The following SORCS2 variants were observed in gnomAD, a reference collection of about 807,000 sequenced individuals.
SORCS2 encodes VPS10 domain-containing receptor SorCS2.
SORCS2 carries 100 observed loss-of-function variants against 141.6 expected under a neutral mutation model. The observed-to-expected ratio is 0.71, with a 90% CI of 0.60 to 0.83. SORCS2 has a LOEUF of 0.83. SORCS2 is among the 40% of genes least tolerant of loss of function. The pLI is 0.00. For synonymous variants in SORCS2, 789 were observed against 676.9 expected (o/e 1.17, Z -2.57); for missense variants, 1,646 against 1,560.2 (o/e 1.05, Z -0.93).
At chr4:7,259,506 G>A (rs898980971) in intron 1 of SORCS2, among the ~76,000 whole-genome samples, 1 of 152,204 alleles carries the variant, frequency 6.6e-6, no homozygotes. Context: ...AGAGCACTGT[G>A]CTTTCCCTGG....
chr4:7,587,008 C>T (rs1316799405), intron 3 of SORCS2, among the ~76,000 whole-genome samples: 4 of 151,956 alleles, frequency 2.6e-5, no homozygotes, highest in Admixed American at 1.3e-4. Context: ...GAGAAGCAGA[C>T]GTCAGCTAAA....
chr4:7,315,488 G>A (rs969019438), intron 1 of SORCS2, among the ~76,000 whole-genome samples: 1 of 152,174 alleles, frequency 6.6e-6, no homozygotes, highest in African/African-American at 2.4e-5. Flanking sequence ...GGCTGGTGCG[G>A]TGGAGGAGAG....
At chr4:7,525,832 G>A (rs1314293975) in intron 2 of SORCS2, among the ~76,000 whole-genome samples, 1 of 96,260 alleles carries the variant, frequency 1.0e-5, no homozygotes, top group Non-Finnish European at 2.0e-5. Context: ...TGTCCCCTCA[G>A]TCACCTGGGC....
At chr4:7,407,406 C>T (rs1308303937) in intron 2 of SORCS2, among the ~76,000 whole-genome samples, 3 of 152,048 alleles carry the variant, frequency 2.0e-5, no homozygotes, top group African/African-American at 7.2e-5. Flanking sequence ...CCTCATGGTG[C>T]ATTGACCCCT....
chr4:7,319,994 T>A (rs1718797791), intron 1 of SORCS2, among the ~76,000 whole-genome samples: 1 of 152,084 alleles, frequency 6.6e-6, no homozygotes, highest in Non-Finnish European at 1.5e-5. Flanking sequence ...TGATATTCAG[T>A]GTACTCTTTT....
intron 1 of SORCS2, among the ~76,000 whole-genome samples, chr4:7,308,330 G>A (rs763677445): frequency 1.6e-4 from 25 of 152,182 alleles, no homozygotes; most frequent in Non-Finnish European, 2.6e-4. Flanking sequence ...AGCCTGGCTG[G>A]CTACCTTGGG....
At chr4:7,635,704 G>A (rs1337542512) in intron 3 of SORCS2, among the ~76,000 whole-genome samples, 8 of 152,030 alleles carry the variant, frequency 5.3e-5, no homozygotes, top group Non-Finnish European at 1.5e-5. Flanking sequence ...ACCAGCCCTC[G>A]GTTCTTCCTT....
intron 8 of SORCS2, among the ~76,000 whole-genome samples, chr4:7,672,133 G>C (rs1040816089): frequency 1.3e-5 from 2 of 151,988 alleles, no homozygotes; most frequent in Non-Finnish European, 2.9e-5. Flanking sequence ...AATAGAGACA[G>C]GGTTTCACCA....
intron 6 of SORCS2, among the ~76,000 whole-genome samples, chr4:7,662,123 G>A (rs912428841): frequency 3.2e-4 from 49 of 152,296 alleles, no homozygotes; most frequent in African/African-American, 1.1e-3. Flanking sequence ...CCTGTGAAAT[G>A]GATAGTGATA....
intron 16 of SORCS2, among the ~76,000 whole-genome samples, chr4:7,714,895 T>TC (rs140869497): frequency 0.017 from 2,550 of 152,084 alleles, 87 homozygotes; most frequent in East Asian, 0.15. Flanking sequence ...GCAGTGCCTC[T>TC]CCCTCTCTTT....
At chr4:7,408,168 A>T (rs1221420373) in intron 2 of SORCS2, among the ~76,000 whole-genome samples, 1 of 151,994 alleles carries the variant, frequency 6.6e-6, no homozygotes, top group East Asian at 1.9e-4. Flanking sequence ...TTACCAATGG[A>T]TTCTAAACCT....
At chr4:7,724,597 ATGGTGGTGATAGTGCTGGTGAGGATGG>A (rs1726969264) in intron 19 of SORCS2, among the ~76,000 whole-genome samples, 2 of 86,648 alleles carry the variant, frequency 2.3e-5, no homozygotes, top group African/African-American at 4.6e-5. Context: ...GGTGTTGGTG[ATGGTGGTGATAGTGCTGGTGAGGATGG>A]TGATGGTGGT....
chr4:7,545,665 C>G (rs1260064337), intron 3 of SORCS2, among the ~76,000 whole-genome samples: 1 of 152,184 alleles, frequency 6.6e-6, no homozygotes, highest in Non-Finnish European at 1.5e-5. Flanking sequence ...AACCCAGACC[C>G]ACCCCGCTGC....
chr4:7,333,780 A>G (rs766393546), intron 1 of SORCS2, among the ~76,000 whole-genome samples: 1 of 152,236 alleles, frequency 6.6e-6, no homozygotes, highest in African/African-American at 2.4e-5. Flanking sequence ...ATGAAGTTGT[A>G]TCTTGTGGTC....
intron 3 of SORCS2, among the ~76,000 whole-genome samples, chr4:7,575,241 A>C (rs886486080): frequency 6.6e-6 from 1 of 152,210 alleles, no homozygotes; most frequent in African/African-American, 2.4e-5. Flanking sequence ...CGTGTGTGTA[A>C]TTTTAATGTT....
At chr4:7,194,943 C>T (rs1414526147) in intron 1 of SORCS2, among the ~76,000 whole-genome samples, 1 of 152,126 alleles carries the variant, frequency 6.6e-6, no homozygotes, top group Non-Finnish European at 1.5e-5. Context: ...AGAGGAGCCC[C>T]ATGTGAGGGG....
intron 2 of SORCS2, among the ~76,000 whole-genome samples, chr4:7,526,148 G>T (rs1026227323): frequency 1.3e-5 from 2 of 152,250 alleles, no homozygotes; most frequent in African/African-American, 2.4e-5. Flanking sequence ...CGCCATTCAG[G>T]CAGATTCCAC....
At chr4:7,319,510 G>C (rs1718764918) in intron 1 of SORCS2, among the ~76,000 whole-genome samples, 1 of 152,102 alleles carries the variant, frequency 6.6e-6, no homozygotes, top group Non-Finnish European at 1.5e-5. Flanking sequence ...TTTGAGACCA[G>C]TCTGGACAAC....
chr4:7,657,453 TAATAAATGAGTG>T (rs1721848492), intron 5 of SORCS2, among the ~76,000 whole-genome samples: 1 of 151,858 alleles, frequency 6.6e-6, no homozygotes, highest in East Asian at 1.9e-4. Flanking sequence ...GTGAGTTAGG[TAATAAATGAGTG>T]AATAAATGAG....
Sources: gnomAD v4.1 joint callset for allele counts (sites outside exome capture counted in the v4.1 genomes callset) on GRCh38, gnomAD v4.1.1 for gene constraint, MANE v1.5 for transcripts, NCBI Gene and HGNC (gene_info 2026-07-23, HGNC 2026-07-21) for gene names.